G3BP2: variants seen among roughly 807,000 people sequenced by gnomAD.
The protein encoded by G3BP2 is ras GTPase-activating protein-binding protein 2.
Under a neutral mutation model 56.7 loss-of-function variants are expected in G3BP2, and 11 were observed. That is an observed-to-expected ratio of 0.19 (90% CI 0.12 to 0.32). G3BP2 has a LOEUF of 0.32. G3BP2 is among the 10% of genes least tolerant of loss of function. G3BP2 has a pLI of 1.00. For synonymous variants in G3BP2, 165 were observed against 191.6 expected (o/e 0.86, Z 1.15); for missense variants, 340 against 610.9 (o/e 0.56, Z 4.67).
intron 3 of G3BP2, among the ~76,000 whole-genome samples, chr4:75,710,279 GATGACGAC>G (rs1317970802): frequency 6.6e-6 from 1 of 152,012 alleles, no homozygotes; most frequent in Non-Finnish European, 1.5e-5. Flanking sequence ...CGAGTTGGTG[GATGACGAC>G]ATGAGAAACC....
At chr4:75,680,658 T>G (rs1734035174) in intron 3 of G3BP2, among the ~76,000 whole-genome samples, 2 of 152,156 alleles carry the variant, frequency 1.3e-5, no homozygotes, top group South Asian at 4.1e-4. Flanking sequence ...TACTTGGTTG[T>G]TTGGCAGTGT....
At chr4:75,697,627 G>T (rs1380147353) in intron 3 of G3BP2, among the ~76,000 whole-genome samples, 1 of 151,942 alleles carries the variant, frequency 6.6e-6, no homozygotes, top group Non-Finnish European at 1.5e-5. Context: ...GTCATAAGTG[G>T]GTAATTCATA....
chr4:75,720,850 T>C (rs1489090639), intron 3 of G3BP2, among the ~76,000 whole-genome samples: 2 of 133,288 alleles, frequency 1.5e-5, no homozygotes, highest in Non-Finnish European at 3.4e-5. Flanking sequence ...TAAAAATATT[T>C]TGAAGCCTGG....
At chr4:75,646,494 T>G (rs753674467) in intron 10 of G3BP2, 38 bp from the exon 11 acceptor site, 5 of 1,090,672 alleles carry the variant, frequency 4.6e-6, no homozygotes, top group Non-Finnish European at 5.7e-6. Flanking sequence ...TTAAATATTT[T>G]TAACAGAATA....
chr4:75,654,412 T>C (rs1731927799), intron 7 of G3BP2, among the ~76,000 whole-genome samples: 1 of 151,950 alleles, frequency 6.6e-6, no homozygotes, highest in Admixed American at 6.6e-5. Flanking sequence ...TATTTCCCCT[T>C]TGGGGGTAAG....
At chr4:75,692,852 G>A (rs1165751782) in intron 3 of G3BP2, among the ~76,000 whole-genome samples, 2 of 152,202 alleles carry the variant, frequency 1.3e-5, no homozygotes, top group Non-Finnish European at 2.9e-5. Context: ...TAGAGAGCAG[G>A]GGTTGCAAAC....
rs869037819 is a variant in G3BP2 at position 75,697,273 on chromosome 4, C to CAAAAAAAAAAAAAA, written c.-25+23590_-25+23603dup. Among the ~76,000 whole-genome samples, 26 of 28,798 alleles carry CAAAAAAAAAAAAAA rather than the reference C, an allele frequency of 9.0e-4. 1 individual carries two copies. Among genetic ancestry groups the CAAAAAAAAAAAAAA allele is most frequent in the African/African-American group, 1.1e-3 (8 of 7,270 alleles). 18.9% of individuals were successfully genotyped at this position (28,798 alleles called of 152,430 possible). A position where few individuals can be genotyped will look rare whatever the true frequency, so the allele number is the denominator to read the frequency against. Reference sequence around the variant, plus strand: ...TGGCTGACAGAGCGAGACTCTGTCTCAAAAAAAAAAAAAAAAAAAAAAAAA... The same window carrying CAAAAAAAAAAAAAA: ...TGGCTGACAGAGCGAGACTCTGTCTCAAAAAAAAAAAAAAAAAAAAAAAAAAAAAAAAAAAAAAA... On this transcript the variant is annotated intron_variant, in intron 3 of 3. Coordinates refer to the G3BP2 transcript ENST00000499709.
upstream of G3BP2, among the ~76,000 whole-genome samples, chr4:75,676,394 GTGCAATGGCATGATCTGGGCTGAC>G (rs528272166): frequency 1.9e-3 from 267 of 139,460 alleles, no homozygotes; most frequent in African/African-American, 7.0e-3. Context: ...CCAGGCTGGA[GTGCAATGGCATGATCTGGGCTGAC>G]TGCAACCTCC....
intron 8 of G3BP2, among the ~76,000 whole-genome samples, chr4:75,652,240 G>C (rs1275150472): frequency 1.3e-5 from 2 of 152,148 alleles, no homozygotes; most frequent in South Asian, 4.1e-4. Context: ...AAGAGACTAG[G>C]ATTTAATCAG....
At chr4:75,680,600 C>G (rs1018612882) in intron 3 of G3BP2, among the ~76,000 whole-genome samples, 6 of 152,220 alleles carry the variant, frequency 3.9e-5, no homozygotes, top group Non-Finnish European at 7.3e-5. Flanking sequence ...GACAGCTAGC[C>G]AGGTTTCCCA....
At chr4:75,720,012 G>C (rs1317589732) in intron 3 of G3BP2, among the ~76,000 whole-genome samples, 1 of 52,786 alleles carries the variant, frequency 1.9e-5, no homozygotes, top group Non-Finnish European at 3.9e-5. Flanking sequence ...GGATGGGGGG[G>C]CCCAGAACCC....
At position 75,655,654 on chromosome 4, in the gene G3BP2, C is replaced by T; in HGVS notation, c.545+114G>A. On this transcript the variant is annotated intron_variant, in intron 6 of 11. Coordinates refer to ENST00000359707, the MANE Select transcript of G3BP2 (RefSeq NM_203505.3). Reference sequence around the variant, plus strand: ...CATATACACAATAGGTACTCAAATACTGACATAATAGGTGGTTTTATCAAG... The same window carrying T: ...CATATACACAATAGGTACTCAAATATTGACATAATAGGTGGTTTTATCAAG... 5 of 648,098 alleles carry T rather than the reference C, an allele frequency of 7.7e-6. No homozygotes were observed. In the South Asian group the frequency reaches 9.3e-5, roughly 12 times the overall value. 40.1% of individuals were successfully genotyped at this position (648,098 alleles called of 1,614,324 possible).
chr4:75,722,787 T>C (rs1720226780), intron 1 of G3BP2, among the ~76,000 whole-genome samples: 1 of 152,242 alleles, frequency 6.6e-6, no homozygotes, highest in Non-Finnish European at 1.5e-5. Context: ...CTTAAAATGT[T>C]GGCACTAGGA....
intron 8 of G3BP2, among the ~76,000 whole-genome samples, chr4:75,653,068 TAAGGGTAAC>T (rs1731818170): frequency 6.7e-6 from 1 of 148,952 alleles, no homozygotes; most frequent in Admixed American, 6.7e-5. Context: ...CCATCTTACA[TAAGGGTAAC>T]CACGCATTGC....
chr4:75,710,960 G>A (rs1719732193), intron 3 of G3BP2, among the ~76,000 whole-genome samples: 1 of 151,972 alleles, frequency 6.6e-6, no homozygotes, highest in African/African-American at 2.4e-5. Flanking sequence ...CACCGTGCCT[G>A]GCCCTGTCTG....
chr4:75,662,221 ATTTTTTT>A, intron 1 of G3BP2, 172 bp from the exon 2 acceptor site: 1 of 286,660 alleles, frequency 3.5e-6, no homozygotes. Flanking sequence ...ACCTGAAATA[ATTTTTTT>A]TTTTTTTTTT....
At chr4:75,689,033 G>C (rs1283772307) in intron 3 of G3BP2, among the ~76,000 whole-genome samples, 1 of 152,020 alleles carries the variant, frequency 6.6e-6, no homozygotes, top group Admixed American at 6.6e-5. Flanking sequence ...GTTGTCCTAT[G>C]GTATTGGATA....
chr4:75,647,907 T>C (rs972563480), intron 9 of G3BP2, among the ~76,000 whole-genome samples: 6 of 152,178 alleles, frequency 3.9e-5, no homozygotes, highest in East Asian at 1.9e-4. Context: ...CAAATAAAAG[T>C]ATTACATGTG....
Position 75,648,604 on chromosome 4 carries a change from G to T in G3BP2, c.928+35C>A, listed in dbSNP as rs1731422833. The T allele has an allele frequency of 2.8e-6, 3 of 1,082,290 alleles. 1 individual carries two copies. The highest frequency in any genetic ancestry group is 2.5e-5 in the South Asian group (2 of 78,470). 67.0% of individuals were successfully genotyped at this position (1,082,290 alleles called of 1,614,324 possible). A position where few individuals can be genotyped will look rare whatever the true frequency, so the allele number is the denominator to read the frequency against. ...TTCAGTCTTTTACAGCCTTACAAAT[G>T]TTAAATGCTAAAGGCTATAAAGGAG... On this transcript the variant is annotated intron_variant, in intron 9 of 11. Coordinates refer to ENST00000359707, the MANE Select transcript of G3BP2 (RefSeq NM_203505.3).
Sources: gnomAD v4.1 joint callset for allele counts (sites outside exome capture counted in the v4.1 genomes callset) on GRCh38, gnomAD v4.1.1 for gene constraint, MANE v1.5 for transcripts, NCBI Gene and HGNC (gene_info 2026-07-23, HGNC 2026-07-21) for gene names.